DYNC1I1: variants seen among roughly 807,000 people sequenced by gnomAD.
DYNC1I1 encodes the protein dynein cytoplasmic 1 intermediate chain 1, also known as cytoplasmic dynein 1 intermediate chain 1.
DYNC1I1 carries 43 observed loss-of-function variants against 86.6 expected under a neutral mutation model. The ratio of observed to expected loss-of-function variants is 0.50; its 90% CI spans 0.39 to 0.64. DYNC1I1 has a LOEUF of 0.64. Among genes scored for constraint, DYNC1I1 ranks in the 30% least tolerant of loss-of-function variants. DYNC1I1 has a pLI of 0.00. For missense variants in DYNC1I1, 604 were observed against 788.8 expected, an observed-to-expected ratio of 0.77 and a Z score of 2.81; for synonymous variants, 262 against 283.7, an observed-to-expected ratio of 0.92 and a Z score of 0.77.
chr7:96,077,035 C>G (rs1402399366), intron 15 of DYNC1I1, among the ~76,000 whole-genome samples: 3 of 152,206 alleles, frequency 2.0e-5, no homozygotes, highest in South Asian at 4.1e-4. Context: ...AAAATGGTCT[C>G]TGCATCACTT....
At chr7:95,964,671 G>C (rs910380646) in intron 6 of DYNC1I1, among the ~76,000 whole-genome samples, 4 of 152,136 alleles carry the variant, frequency 2.6e-5, no homozygotes, top group African/African-American at 9.7e-5. Flanking sequence ...AATGTAGAAG[G>C]TCAGATAGTA....
intron 1 of DYNC1I1, among the ~76,000 whole-genome samples, chr7:95,774,066 A>C (rs1316152597): frequency 3.3e-5 from 5 of 152,188 alleles, no homozygotes; most frequent in Non-Finnish European, 1.5e-5. Flanking sequence ...ATAAAATCTG[A>C]AACACCTGCC....
intron 16 of DYNC1I1, among the ~76,000 whole-genome samples, chr7:96,103,857 C>T (rs947385879): frequency 6.6e-6 from 1 of 152,168 alleles, no homozygotes; most frequent in Non-Finnish European, 1.5e-5. Flanking sequence ...CGTGATCCAC[C>T]CGCCTCAGCC....
At chr7:95,885,288 C>T (rs1790564444) in intron 6 of DYNC1I1, among the ~76,000 whole-genome samples, 1 of 152,064 alleles carries the variant, frequency 6.6e-6, no homozygotes, top group Non-Finnish European at 1.5e-5. Flanking sequence ...CTGCCTCAGC[C>T]TCTCAATTAG....
rs564406069 is a variant in DYNC1I1 at position 96,091,243 on chromosome 7, TA to T, written c.1777-6234del. ...ATTTCCACATTTTCTGTAAATGCAT[TA>T]AAAAATAATGTGTATTAAAGTGAAA... On this transcript the variant is annotated intron_variant, in intron 16 of 16. Coordinates refer to ENST00000447467, the MANE Select transcript of DYNC1I1 (RefSeq NM_001135556.2). Among the ~76,000 whole-genome samples the T allele has an allele frequency of 2.5e-3, 382 of 152,280 alleles. 4 individuals carry two copies. The Middle Eastern group carries it at 0.027, about 11-fold the overall frequency.
intron 5 of DYNC1I1, among the ~76,000 whole-genome samples, chr7:95,836,758 A>G (rs1234688210): frequency 2.0e-5 from 3 of 151,976 alleles, no homozygotes; most frequent in Non-Finnish European, 4.4e-5. Flanking sequence ...AGTTGATTGC[A>G]TTGGCTCCTG....
intron 6 of DYNC1I1, among the ~76,000 whole-genome samples, chr7:95,901,525 G>A (rs2116310485): frequency 6.6e-6 from 1 of 152,230 alleles, no homozygotes; most frequent in South Asian, 2.1e-4. Context: ...TTTCTTTTCT[G>A]TTTTAAAAAT....
chr7:96,026,817 C>T (rs1220836196), intron 10 of DYNC1I1, among the ~76,000 whole-genome samples: 1 of 152,122 alleles, frequency 6.6e-6, no homozygotes, highest in Non-Finnish European at 1.5e-5. Context: ...CCATTTCCAG[C>T]CTCCTCTCCC....
intron 1 of DYNC1I1, among the ~76,000 whole-genome samples, chr7:95,795,899 T>C (rs1438892419): frequency 6.6e-6 from 1 of 151,342 alleles, no homozygotes; most frequent in Non-Finnish European, 1.5e-5. Context: ...AAGTTAAATT[T>C]AAAAAAGTAA....
chr7:95,981,744 T>C (rs892011733), intron 7 of DYNC1I1, among the ~76,000 whole-genome samples: 1 of 152,180 alleles, frequency 6.6e-6, no homozygotes, highest in Admixed American at 6.5e-5. Context: ...TCTGCTATAA[T>C]AGTATTTTCT....
At chr7:95,911,510 C>T (rs1364800403) in intron 6 of DYNC1I1, among the ~76,000 whole-genome samples, 1 of 152,158 alleles carries the variant, frequency 6.6e-6, no homozygotes, top group Non-Finnish European at 1.5e-5. Context: ...CAATATCAAG[C>T]ACTCCTCCTG....
At position 95,977,569 on chromosome 7, in the gene DYNC1I1, A is replaced by G. The variant is rs1407285773; in HGVS notation, c.548A>G (p.Glu183Gly). Residue 183 changes from glutamate (E) to glycine (G), a missense_variant, in exon 7 of 17, where the codon GAA becomes GGA. Glu to Gly is a moderately conservative substitution (Grantham distance 98, BLOSUM62 -2). Coordinates refer to ENST00000447467, the MANE Select transcript of DYNC1I1 (RefSeq NM_001135556.2). ...ESKVGQDSEL[E>G]NQDKKQEVKE... ...AAAGTTGGCCAGGACTCAGAACTGGAAAATCAGGACAAAAAACAGGAAGTG... is the reference window on the plus strand; with the variant it reads ...AAAGTTGGCCAGGACTCAGAACTGGGAAATCAGGACAAAAAACAGGAAGTG... 1.9e-6 allele frequency: 3 copies of G among 1,613,462 alleles called. No individual in the cohort carries two copies. The highest frequency in any genetic ancestry group is 1.3e-5 in the African/African-American group (1 of 75,018).
intron 10 of DYNC1I1, among the ~76,000 whole-genome samples, chr7:96,011,966 G>A (rs1019132112): frequency 2.0e-5 from 3 of 152,274 alleles, no homozygotes; most frequent in Non-Finnish European, 2.9e-5. Flanking sequence ...AGCATAAAAT[G>A]TTAACTGCTT....
intron 6 of DYNC1I1, among the ~76,000 whole-genome samples, chr7:95,953,069 A>G (rs924926364): frequency 6.7e-6 from 1 of 148,896 alleles, no homozygotes; most frequent in Admixed American, 6.8e-5. Flanking sequence ...CTAGTTTGTG[A>G]CTCATTCAGC....
intron 10 of DYNC1I1, among the ~76,000 whole-genome samples, chr7:96,016,780 T>G (rs1794412565): frequency 6.6e-6 from 1 of 152,198 alleles, no homozygotes; most frequent in Non-Finnish European, 1.5e-5. Context: ...GTACCATATT[T>G]TTGAATGCTA....
chr7:96,019,844 G>A (rs1794497899), intron 10 of DYNC1I1, among the ~76,000 whole-genome samples: 1 of 152,028 alleles, frequency 6.6e-6, no homozygotes, highest in Non-Finnish European at 1.5e-5. Context: ...GAGTCCTCTG[G>A]ACCACTTACA....
At chr7:96,064,323 T>G (rs1414207340) in intron 14 of DYNC1I1, among the ~76,000 whole-genome samples, 1 of 151,840 alleles carries the variant, frequency 6.6e-6, no homozygotes, top group East Asian at 1.9e-4. Context: ...AAGGATAAGT[T>G]TATTTGTTTT....
chr7:95,833,218 A>G (rs1788970311), intron 5 of DYNC1I1, among the ~76,000 whole-genome samples: 1 of 138,554 alleles, frequency 7.2e-6, no homozygotes, highest in African/African-American at 2.8e-5. Flanking sequence ...ACCATTTATT[A>G]AATAGGGAAT....
chr7:95,785,660 G>A (rs558996083), intron 1 of DYNC1I1, among the ~76,000 whole-genome samples: 1 of 150,470 alleles, frequency 6.6e-6, no homozygotes, highest in African/African-American at 2.4e-5. Flanking sequence ...CATATATATT[G>A]TATATAATTA....
Sources: allele counts gnomAD v4.1 joint callset (sites outside exome capture counted in the v4.1 genomes callset), GRCh38; gene constraint gnomAD v4.1.1; transcripts MANE v1.5; gene names NCBI Gene and HGNC (gene_info 2026-07-23, HGNC 2026-07-21).